The following ASIC4 variants were observed in gnomAD, a reference collection of about 807,000 sequenced individuals.
The protein encoded by ASIC4 is acid sensing ion channel subunit family member 4.
Under a neutral mutation model 53.4 loss-of-function variants are expected in ASIC4, and 28 were observed. The ratio of observed to expected loss-of-function variants is 0.52; its 90% confidence interval spans 0.39 to 0.72. ASIC4 has a LOEUF of 0.72. Ranked by LOEUF, ASIC4 falls within the 30% of genes least tolerant of loss-of-function variation. ASIC4 has a pLI of 0.00. For synonymous variants in ASIC4, 289 were observed against 301.4 expected (o/e 0.96, Z 0.43); for missense variants, 649 against 729.7 (o/e 0.89, Z 1.27).
At chr2:219,520,873 C>G (rs1016582559) in intron 1 of ASIC4, among the ~76,000 whole-genome samples, 10 of 152,248 alleles carry the variant, frequency 6.6e-5, no homozygotes, top group Non-Finnish European at 1.3e-4. Context: ...AAGGACGCAG[C>G]TGCTTCTCAG....
rs1694813227 is a variant in ASIC4, at chr2:219,517,431, G to A, written c.582+2125G>A. ...GGGGTAGAGGGCATAGCTAGCATTG[G>A]GGGACAGGAATTCCCCTTTGGGATT... is the stretch of plus-strand genomic sequence containing the variant. On this transcript the variant is annotated intron_variant, in intron 1 of 9. Transcript: ENST00000358078. This position sits in a 1 kb window ranked among gnomAD's most constrained non-coding sequence, Gnocchi z 4.2. Among the ~76,000 whole-genome samples, 2 of 152,192 alleles carry A rather than the reference G, an allele frequency of 1.3e-5. No individual in the cohort carries two copies. The highest frequency in any genetic ancestry group is 6.5e-5 in the Admixed American group (1 of 15,294).
intron 1 of ASIC4, among the ~76,000 whole-genome samples, chr2:219,524,401 G>A (rs562687228): frequency 6.6e-6 from 1 of 152,364 alleles, no homozygotes; most frequent in Admixed American, 6.5e-5. Context: ...TCCCCTGTCA[G>A]CTTCCTTATC....
intron 1 of ASIC4, among the ~76,000 whole-genome samples, chr2:219,520,915 C>G (rs1424570684): frequency 6.6e-6 from 1 of 152,158 alleles, no homozygotes; most frequent in African/African-American, 2.4e-5. Context: ...TGTGAGGAGC[C>G]CAGCATGGCT....
upstream of ASIC4, among the ~76,000 whole-genome samples, chr2:219,513,735 C>A (rs1694731813): frequency 6.6e-6 from 1 of 152,204 alleles, no homozygotes; most frequent in Non-Finnish European, 1.5e-5. Flanking sequence ...GCAAGCTGGC[C>A]AGGGTGCTGT....
intron 1 of ASIC4, among the ~76,000 whole-genome samples, chr2:219,521,605 C>T (rs934268026): frequency 3.3e-5 from 5 of 152,282 alleles, no homozygotes; most frequent in African/African-American, 1.2e-4. Flanking sequence ...GTCCCCGAGT[C>T]GTCAGTGGGT....
chr2:219,519,040 G>A (rs895620546), intron 1 of ASIC4, among the ~76,000 whole-genome samples: 5 of 152,198 alleles, frequency 3.3e-5, no homozygotes, highest in African/African-American at 1.2e-4. Context: ...GAGTAGCTGG[G>A]ACTACAGGTG....
At chr2:219,522,356 G>GGGGGA (rs1694898895) in intron 1 of ASIC4, among the ~76,000 whole-genome samples, 1 of 152,144 alleles carries the variant, frequency 6.6e-6, no homozygotes, top group South Asian at 2.1e-4. Flanking sequence ...ATACCAAACG[G>GGGGGA]GGGGAGGGGA....
At chr2:219,507,133 C>G in the ASIC4 span, 3 of 302,304 alleles carry the variant, frequency 9.9e-6, no homozygotes, top group South Asian at 1.3e-4. Flanking sequence ...GTAAATCTCC[C>G]CCTCCCACTG....
At position 219,532,350 on chromosome 2, in the gene ASIC4, C is replaced by T. The variant is rs34784127; in HGVS notation, c.891C>T (p.Arg297=). The change falls in exon 4 of 10, where the codon CGC becomes CGT. Residue 297 remains arginine (R), a synonymous_variant. Transcript: ENST00000358078. ...TYLPQPWGNC[R]AESELREPEL... Reference sequence around the variant, plus strand: ...TGCCCCAGCCCTGGGGCAACTGCCGCGCAGAGAGTGAGCTCAGGGAGCCTG... The same window carrying T: ...TGCCCCAGCCCTGGGGCAACTGCCGTGCAGAGAGTGAGCTCAGGGAGCCTG... 7.0e-3 allele frequency: 11,260 copies of T among 1,613,676 alleles called. 652 individuals carry two copies. The African/African-American group carries it at 0.13, about 18-fold the overall frequency.
chr2:219,508,597 C>T, the ASIC4 span, among the ~76,000 whole-genome samples: 1 of 152,092 alleles, frequency 6.6e-6, no homozygotes, highest in Non-Finnish European at 1.5e-5. Flanking sequence ...CCTCCCCAAC[C>T]CACTTCTGTG....
Position 219,537,544 on chromosome 2 carries a change from C to T in ASIC4, c.1402-88C>T, listed in dbSNP as rs547590551. ...CTGGGAGTTTGCTGTGGCAGTAAGT[C>T]CTGTGGGCAGCTGGGCATGGTAAGG... On this transcript the variant is annotated intron_variant, in intron 8 of 9. Coordinates refer to ENST00000358078, the MANE Select transcript of ASIC4 (RefSeq NM_018674.6). This position sits in a 1 kb window ranked among gnomAD's most constrained non-coding sequence, Gnocchi z 4.9. The T allele has an allele frequency of 2.4e-5, 30 of 1,234,022 alleles. No individual in the cohort carries two copies. In the South Asian group the frequency reaches 4.0e-4, roughly 16 times the overall value. 76.4% of individuals were successfully genotyped at this position (1,234,022 alleles called of 1,614,324 possible). A position where few individuals can be genotyped will look rare whatever the true frequency, so the allele number is the denominator to read the frequency against.
chr2:219,536,738 C>T lies in ASIC4; in HGVS notation c.1230-328C>T, dbSNP rs1695144109. ...CCGAGAAGGGGCATTGTGGAGTGGA[C>T]TGACGGGCAACAGGGGTCACTGAAG... On this transcript the variant is annotated intron_variant, in intron 6 of 9. Coordinates refer to ENST00000358078, the MANE Select transcript of ASIC4 (RefSeq NM_018674.6). The surrounding 1 kb of genome is among the most constrained non-coding windows in gnomAD (Gnocchi z 4.6). Among the ~76,000 whole-genome samples, 1 of 151,706 alleles carries T rather than the reference C, an allele frequency of 6.6e-6. No individual in the cohort carries two copies. Among genetic ancestry groups the T allele is most frequent in the Non-Finnish European group, 1.5e-5 (1 of 67,970 alleles).
the ASIC4 span, among the ~76,000 whole-genome samples, chr2:219,507,198 G>A: frequency 2.6e-5 from 4 of 152,070 alleles, no homozygotes; most frequent in Non-Finnish European, 4.4e-5. Flanking sequence ...TGCCAGCCTG[G>A]TCCCCCCCTT....
chr2:219,530,717 GACA>G (rs1046071712), intron 1 of ASIC4, among the ~76,000 whole-genome samples: 16 of 152,176 alleles, frequency 1.1e-4, no homozygotes, highest in East Asian at 3.8e-4. Context: ...CAGGAGAGGG[GACA>G]ACAACAACAA....
Position 219,538,112 on chromosome 2 carries a change from C to CCAGGAGCAGGAGAA in ASIC4, c.*66_*67insCAGGAGCAGGAGAA. The CCAGGAGCAGGAGAA allele has an allele frequency of 7.3e-7, 1 of 1,373,854 alleles. No individual in the cohort carries two copies. The highest frequency in any genetic ancestry group is 1.0e-6 in the Non-Finnish European group (1 of 983,492). 85.1% of individuals were successfully genotyped at this position (1,373,854 alleles called of 1,614,324 possible). ...CTCCTGGGATCCCCAGCACATTCTC[C>CCAGGAGCAGGAGAA]TGCTCCTGGGAGAGGCCTGGGGGCG... On this transcript the variant is annotated 3_prime_UTR_variant, in exon 10 of 10. Transcript: ENST00000358078.
chr2:219,521,865 C>A (rs1382756507), intron 1 of ASIC4, among the ~76,000 whole-genome samples: 3 of 152,244 alleles, frequency 2.0e-5, no homozygotes, highest in Admixed American at 6.5e-5. Flanking sequence ...GGGAGAAGAT[C>A]TGCCACGTTT....
upstream of ASIC4, among the ~76,000 whole-genome samples, chr2:219,509,981 A>G (rs1162844727): frequency 6.6e-6 from 1 of 151,550 alleles, no homozygotes; most frequent in Admixed American, 6.6e-5. This position sits in a 1 kb window ranked among gnomAD's most constrained non-coding sequence, Gnocchi z 5.2. Flanking sequence ...GCTGCCCCTG[A>G]CATGCATGGG....
intron 5 of ASIC4, 95 bp from the exon 6 acceptor site, chr2:219,535,076 C>A: frequency 1.3e-6 from 2 of 1,503,196 alleles, no homozygotes; most frequent in Non-Finnish European, 8.9e-7. Flanking sequence ...GGTGTGCCTG[C>A]CTCAGGACGG....
In ASIC4 at chr2:219,537,970, G is replaced by A. The variant is rs771970724; in HGVS notation, c.1544G>A (p.Gly515Glu). ...CPSRGRVEGG[G>E]VSSLLPNHHH... ...AGCCGGGGCCGAGTGGAGGGTGGGG[G>A]GGTCAGCAGTCTGCTCCCCAATCAC... The change falls in exon 10 of 10, where the codon GGG (glycine) becomes GAG (glutamate). Residue 515 changes from glycine (G) to glutamate (E), a missense_variant. Transcript: ENST00000358078. This position sits in a 1 kb window ranked among gnomAD's most constrained non-coding sequence, Gnocchi z 4.9. The A allele has an allele frequency of 1.7e-5, 28 of 1,612,470 alleles. No homozygotes were observed. The Admixed American group carries it at 4.7e-4, about 27-fold the overall frequency.
Sources: allele counts gnomAD v4.1 joint callset (sites outside exome capture counted in the v4.1 genomes callset), GRCh38; gene constraint gnomAD v4.1.1; non-coding constraint Gnocchi (gnomAD v3.1); transcripts MANE v1.5; gene names NCBI Gene and HGNC (gene_info 2026-07-23, HGNC 2026-07-21).